The following LRRIQ4 variants were observed in gnomAD, a reference collection of about 807,000 sequenced individuals.
LRRIQ4 encodes the protein leucine rich repeats and IQ motif containing 4.
A neutral mutation model predicts 40.1 loss-of-function variants in LRRIQ4; 21 were observed. The observed-to-expected ratio is 0.52, with a 90% CI of 0.37 to 0.75. The LOEUF is 0.75. LRRIQ4 is among the 30% of genes least tolerant of loss of function. The probability of loss-of-function intolerance (pLI) is 0.00; values close to 1 mark genes in which losing one functional copy is unlikely to be tolerated. For missense variants in LRRIQ4, 655 were observed against 660.0 expected, an observed-to-expected ratio of 0.99 and a Z score of 0.08; for synonymous variants, 277 against 277.1, an observed-to-expected ratio of 1.00 and a Z score of 0.00.
At chr3:169,816,522 TTCTC>T (rs1779773068) in intron 1 of LRRIQ4, among the ~76,000 whole-genome samples, 2 of 152,096 alleles carry the variant, frequency 1.3e-5, no homozygotes, top group South Asian at 4.1e-4. Flanking sequence ...TTATTGGATC[TTCTC>T]TCTTTTTCTC....
chr3:169,835,339 C>T (rs978471693), intron 5 of LRRIQ4, among the ~76,000 whole-genome samples: 22 of 148,170 alleles, frequency 1.5e-4, no homozygotes, highest in African/African-American at 4.9e-4. Context: ...TTCTCATCAA[C>T]ACTTGTACTT....
At chr3:169,831,960 C>T (rs1448056013) in intron 4 of LRRIQ4, among the ~76,000 whole-genome samples, 1 of 147,464 alleles carries the variant, frequency 6.8e-6, no homozygotes, top group Non-Finnish European at 1.5e-5. Context: ...GGCAAGACTC[C>T]GTTTTAATAA....
Position 169,822,438 on chromosome 3 carries a change from A to C in LRRIQ4, c.517A>C (p.Lys173Gln), listed in dbSNP as rs747276702. The change falls in exon 2 of 6, where the codon AAG (lysine) becomes CAG (glutamine). Residue 173 changes from lysine to glutamine, a missense_variant. Coordinates refer to ENST00000340806, the MANE Select transcript of LRRIQ4 (RefSeq NM_001080460.3). ...NQTKLREIYL[K>Q]RNQFEVFPQE... is the part of the protein sequence containing the mutation. ...GACCAAGCTGAGGGAGATCTACCTG[A>C]AGCGAAACCAGTTTGAAGTTTTCCC... The C allele has an allele frequency of 1.1e-5, 18 of 1,613,734 alleles. 1 individual carries two copies. In the South Asian group the frequency reaches 1.6e-4, roughly 15 times the overall value.
Position 169,822,387 on chromosome 3 carries a change from T to C in LRRIQ4, c.466T>C (p.Cys156Arg), listed in dbSNP as rs1779920689. Residue 156 changes from cysteine to arginine, a missense_variant, in exon 2 of 6, where the codon TGT becomes CGT. Cys to Arg is a radical substitution (Grantham distance 180, BLOSUM62 -3). Transcript: ENST00000340806. ...CGGACTGACCGGAAACCACCTGAAA[T>C]GTCTGCCCAAGGAAATAGTGAACCA... The part of the protein sequence containing the change: ...LLGLTGNHLK[C>R]LPKEIVNQTK... 6.2e-7 allele frequency: 1 copy of C among 1,612,412 alleles called. No individual in the cohort carries two copies. The highest frequency in any genetic ancestry group is 8.5e-7 in the Non-Finnish European group (1 of 1,179,354).
At chr3:169,834,339 G>A (rs1780259012) in intron 5 of LRRIQ4, among the ~76,000 whole-genome samples, 1 of 152,216 alleles carries the variant, frequency 6.6e-6, no homozygotes, top group Admixed American at 6.5e-5. Flanking sequence ...TCCAGCCTGG[G>A]CAACAGCTGT....
intron 2 of LRRIQ4, among the ~76,000 whole-genome samples, chr3:169,823,355 T>C (rs79014196): frequency 1.3e-4 from 19 of 151,724 alleles, no homozygotes; most frequent in Admixed American, 4.6e-4. Context: ...TTTTTTTTTT[T>C]TCTCTTCCCC....
intron 1 of LRRIQ4, among the ~76,000 whole-genome samples, chr3:169,814,306 C>T (rs1170381916): frequency 6.6e-6 from 1 of 152,142 alleles, no homozygotes; most frequent in Non-Finnish European, 1.5e-5. Flanking sequence ...CCAAATTCCC[C>T]TCGGTCTACA....
intron 1 of LRRIQ4, among the ~76,000 whole-genome samples, chr3:169,820,086 G>T (rs1441459417): frequency 6.6e-6 from 1 of 152,154 alleles, no homozygotes; most frequent in Admixed American, 6.5e-5. Flanking sequence ...TTATGTATGG[G>T]GCTAGAAATG....
At chr3:169,814,346 C>T (rs1005690018) in intron 1 of LRRIQ4, among the ~76,000 whole-genome samples, 2 of 152,178 alleles carry the variant, frequency 1.3e-5, no homozygotes, top group Non-Finnish European at 2.9e-5. Flanking sequence ...GACCTGGCAG[C>T]GTCCGCTGGT....
intron 1 of LRRIQ4, among the ~76,000 whole-genome samples, chr3:169,815,710 T>A (rs1284139928): frequency 2.0e-5 from 3 of 152,242 alleles, no homozygotes; most frequent in South Asian, 4.1e-4. Context: ...CATCCTTATA[T>A]TGTTCCAGAT....
At chr3:169,828,333 A>G (rs1780087564) in intron 2 of LRRIQ4, among the ~76,000 whole-genome samples, 1 of 151,886 alleles carries the variant, frequency 6.6e-6, no homozygotes, top group African/African-American at 2.4e-5. Flanking sequence ...CCCACATTCC[A>G]GAGATTCCCC....
At chr3:169,823,374 G>T (rs563854301) in intron 2 of LRRIQ4, among the ~76,000 whole-genome samples, 1 of 150,128 alleles carries the variant, frequency 6.7e-6, no homozygotes, top group Non-Finnish European at 1.5e-5. Flanking sequence ...CCGAGACGGA[G>T]TCTAGCTCTA....
At chr3:169,819,638 C>T (rs1779837825) in intron 1 of LRRIQ4, among the ~76,000 whole-genome samples, 1 of 152,156 alleles carries the variant, frequency 6.6e-6, no homozygotes, top group Non-Finnish European at 1.5e-5. Context: ...CCACTTCCTA[C>T]CATGTTCTGA....
intron 5 of LRRIQ4, among the ~76,000 whole-genome samples, chr3:169,835,155 T>A (rs1026580916): frequency 2.6e-5 from 4 of 152,136 alleles, no homozygotes; most frequent in Admixed American, 1.3e-4. Context: ...TGTTTTATTT[T>A]AAAAAAACAA....
chr3:169,820,813 T>C (rs1351731412), intron 1 of LRRIQ4, among the ~76,000 whole-genome samples: 1 of 152,218 alleles, frequency 6.6e-6, no homozygotes, highest in Non-Finnish European at 1.5e-5. Flanking sequence ...CTTAAGACCA[T>C]GAAACTTCAG....
chr3:169,832,467 CAAA>C (rs766710567), intron 4 of LRRIQ4, among the ~76,000 whole-genome samples: 6 of 104,218 alleles, frequency 5.8e-5, no homozygotes, highest in Admixed American at 1.0e-4. Flanking sequence ...GACTCTGTCT[CAAA>C]AAAAAAAAAA....
rs771270600 is a variant in LRRIQ4, at chr3:169,822,110, T to TC, written c.193dup (p.Gln65ProfsTer16). ...TGGAGAATAACCAGATTGAAGAAATTCCCCAGGAGATTCAGCGTTTAAAGA... is the reference window on the plus strand; with the variant it reads ...TGGAGAATAACCAGATTGAAGAAATTCCCCCAGGAGATTCAGCGTTTAAAGA... On this transcript the variant is annotated frameshift_variant, in exon 2 of 6. Transcript: ENST00000340806. LOFTEE classifies it high-confidence loss of function. 62 of 1,611,042 alleles carry TC rather than the reference T, an allele frequency of 3.8e-5. No individual in the cohort carries two copies. The highest frequency in any genetic ancestry group is 5.1e-5 in the Admixed American group (3 of 59,124).
Position 169,833,111 on chromosome 3 carries a change from G to C in LRRIQ4, c.1458G>C (p.Val486=), listed in dbSNP as rs367891281. Residue 486 remains valine, a synonymous_variant, in exon 5 of 6, where the codon GTG becomes GTC. Coordinates refer to ENST00000340806, the MANE Select transcript of LRRIQ4 (RefSeq NM_001080460.3). ...DNPMEEPPKE[V]CAEGNEAIWK... is the part of the protein sequence containing the mutation. ...CCATGGAAGAACCCCCAAAAGAAGT[G>C]TGTGCTGAAGGCAATGAGGCCATAT... 6.2e-7 allele frequency: 1 copy of C among 1,613,900 alleles called. No individual in the cohort carries two copies. Among genetic ancestry groups the C allele is most frequent in the East Asian group, 2.2e-5 (1 of 44,896 alleles).
chr3:169,820,294 C>T (rs962824390), intron 1 of LRRIQ4, among the ~76,000 whole-genome samples: 2 of 127,518 alleles, frequency 1.6e-5, no homozygotes, highest in East Asian at 2.2e-4. Context: ...TGTGTGTGTA[C>T]TAAAGACTTA....
Sources: allele counts gnomAD v4.1 joint callset (sites outside exome capture counted in the v4.1 genomes callset), GRCh38; gene constraint gnomAD v4.1.1; transcripts MANE v1.5; gene names NCBI Gene and HGNC (gene_info 2026-07-23, HGNC 2026-07-21).